The following BRD10 variants were observed in gnomAD, a reference collection of about 807,000 sequenced individuals.
The protein encoded by BRD10 is bromodomain containing 10.
chr9:5,943,745 C>T, the BRD10 span, among the ~76,000 whole-genome samples: 1 of 152,196 alleles, frequency 6.6e-6, no homozygotes, highest in Non-Finnish European at 1.5e-5. Flanking sequence ...AAAATATGCA[C>T]TTTTCCACAT....
the BRD10 span, among the ~76,000 whole-genome samples, chr9:5,904,518 G>C: frequency 6.6e-6 from 1 of 151,984 alleles, no homozygotes; most frequent in Non-Finnish European, 1.5e-5. Flanking sequence ...TGTCGCCCAG[G>C]CTGGAGTGCA....
the BRD10 span, chr9:5,920,475 A>C: frequency 1.2e-6 from 2 of 1,614,006 alleles, no homozygotes; most frequent in Middle Eastern, 1.6e-4. Context: ...GCAGAACTGT[A>C]ACTGGGGGTT....
At chr9:5,929,806 A>G in the BRD10 span, among the ~76,000 whole-genome samples, 1 of 152,122 alleles carries the variant, frequency 6.6e-6, no homozygotes, top group Non-Finnish European at 1.5e-5. Context: ...GCCTTCTGAG[A>G]TGTGTGCATT....
At chr9:5,938,260 G>T in the BRD10 span, among the ~76,000 whole-genome samples, 5 of 152,118 alleles carry the variant, frequency 3.3e-5, no homozygotes, top group East Asian at 1.9e-4. Context: ...GGGTAACACA[G>T]CAAGACCTTA....
the BRD10 span, among the ~76,000 whole-genome samples, chr9:5,915,860 A>G: frequency 6.6e-6 from 1 of 152,226 alleles, no homozygotes; most frequent in African/African-American, 2.4e-5. Context: ...CAACTCTGGT[A>G]GATGCCTTGA....
chr9:5,922,908 T>C, the BRD10 span: 5 of 1,613,900 alleles, frequency 3.1e-6, no homozygotes, highest in South Asian at 3.3e-5. Flanking sequence ...AGAGCATTTC[T>C]ACCTGTGGAA....
chr9:5,963,497 T>C, the BRD10 span, among the ~76,000 whole-genome samples: 2 of 147,054 alleles, frequency 1.4e-5, no homozygotes, highest in Admixed American at 6.8e-5. Context: ...AATTTACAGA[T>C]TCAATGCCAT....
the BRD10 span, chr9:5,891,448 C>T: frequency 6.6e-6 from 1 of 152,172 alleles, no homozygotes; most frequent in East Asian, 1.9e-4. Flanking sequence ...GGGCAAATTA[C>T]ACATAAAATG....
chr9:6,007,950 CTT>C, the BRD10 span: 1 of 1,310,766 alleles, frequency 7.6e-7, no homozygotes, highest in Non-Finnish European at 9.7e-7. Context: ...GCGCGGGGGT[CTT>C]GAGCTCACCG....
chr9:5,940,242 T>G, the BRD10 span, among the ~76,000 whole-genome samples: 6 of 152,142 alleles, frequency 3.9e-5, no homozygotes, highest in Admixed American at 3.9e-4. Flanking sequence ...GGTACAATCT[T>G]GAGCACAGTG....
chr9:5,932,573 A>T, the BRD10 span, among the ~76,000 whole-genome samples: 1 of 152,206 alleles, frequency 6.6e-6, no homozygotes, highest in African/African-American at 2.4e-5. Context: ...TAAAGTCTAC[A>T]GGAGGATGTG....
At chr9:5,951,834 G>C in the BRD10 span, among the ~76,000 whole-genome samples, 2 of 152,062 alleles carry the variant, frequency 1.3e-5, no homozygotes, top group Non-Finnish European at 2.9e-5. Context: ...TTCCCTGTGA[G>C]ACAGTTGCCA....
chr9:6,007,496 T>C, the BRD10 span: 1 of 1,612,326 alleles, frequency 6.2e-7, no homozygotes, highest in Non-Finnish European at 8.5e-7. Flanking sequence ...AAGGGGGCGG[T>C]GAGGCCCCGG....
At chr9:5,897,771 C>A in the BRD10 span, 2 of 900,192 alleles carry the variant, frequency 2.2e-6, no homozygotes, top group Non-Finnish European at 3.6e-6. Flanking sequence ...GCTCTGATTC[C>A]GGCTTCTGAT....
At chr9:5,937,724 T>C in the BRD10 span, among the ~76,000 whole-genome samples, 1 of 152,188 alleles carries the variant, frequency 6.6e-6, no homozygotes, top group African/African-American at 2.4e-5. Flanking sequence ...TCAAACATTG[T>C]TTTCATGCAA....
chr9:5,988,677 C>G, the BRD10 span: 2 of 657,346 alleles, frequency 3.0e-6, no homozygotes, highest in Non-Finnish European at 5.2e-6. Flanking sequence ...TAGCTTTGTT[C>G]TAACTTTTTA....
the BRD10 span, among the ~76,000 whole-genome samples, chr9:5,974,342 T>C: frequency 6.6e-6 from 1 of 152,162 alleles, no homozygotes; most frequent in Non-Finnish European, 1.5e-5. Flanking sequence ...AAATGAAAAC[T>C]TCCATGTAGT....
chr9:5,975,366 G>C, the BRD10 span, among the ~76,000 whole-genome samples: 1 of 148,412 alleles, frequency 6.7e-6, no homozygotes, highest in Non-Finnish European at 1.5e-5. Flanking sequence ...TTGAACCTGG[G>C]AAGTGGAGGT....
At chr9:5,935,287 A>G in the BRD10 span, among the ~76,000 whole-genome samples, 1 of 152,212 alleles carries the variant, frequency 6.6e-6, no homozygotes, top group Non-Finnish European at 1.5e-5. Context: ...CAACATTTCC[A>G]TTATATTTCT....
Sources: allele counts gnomAD v4.1 joint callset (sites outside exome capture counted in the v4.1 genomes callset), GRCh38; gene constraint gnomAD v4.1.1; transcripts MANE v1.5; gene names NCBI Gene and HGNC (gene_info 2026-07-23, HGNC 2026-07-21).